RP1L1: variants seen among roughly 807,000 people sequenced by gnomAD.
RP1L1 encodes RP1 like 1.
RP1L1 carries 27 observed loss-of-function variants against 15.7 expected under a neutral mutation model. The ratio of observed to expected loss-of-function variants is 1.72; its 90% CI spans 1.27 to 2.38. The LOEUF (loss-of-function observed/expected upper bound fraction) is 2.38, where lower values mean the gene tolerates loss of function less well. RP1L1 is among the 30% of genes most tolerant of loss of function. The pLI is 0.00. For synonymous variants in RP1L1, 1,813 were observed against 1,276.7 expected (o/e 1.42, Z -8.96); for missense variants, 4,798 against 3,075.9 (o/e 1.56, Z -13.24).
chr8:10,623,772 A>G (rs1388737268), intron 1 of RP1L1, among the ~76,000 whole-genome samples: 2 of 151,994 alleles, frequency 1.3e-5, no homozygotes, highest in African/African-American at 4.8e-5. Context: ...CAGCATCACT[A>G]TGTCCCCAGC....
At position 10,623,016 on chromosome 8, in the gene RP1L1, G is replaced by T. The variant is rs142487521; in HGVS notation, c.186C>A (p.Ser62Arg). ...GCTGGGAGAGCTCGTCCATGAGGGC[G>T]CTGAAGGTCTTAAAGGCGCGCTGGT... ...AVHQRAFKTF[S>R]ALMDELSQRV... Residue 62 changes from serine to arginine, a missense_variant, in exon 2 of 4, where the codon AGC (serine) becomes AGA (arginine). Physicochemically the swap from Ser to Arg is moderately radical, Grantham distance 110 (BLOSUM62 -1). Transcript: ENST00000382483. 1 of 1,614,116 alleles carries T rather than the reference G, an allele frequency of 6.2e-7. No homozygotes were observed. The highest frequency in any genetic ancestry group is 1.1e-5 in the South Asian group (1 of 91,080).
chr8:10,612,404 TG>T lies in RP1L1; in HGVS notation c.1693del (p.Gln565SerfsTer15). 1 of 1,612,822 alleles carries T rather than the reference TG, an allele frequency of 6.2e-7. No individual in the cohort carries two copies. Among genetic ancestry groups the T allele is most frequent in the Non-Finnish European group, 8.5e-7 (1 of 1,180,022 alleles). The part of the protein sequence containing the change: ...CPGKARAETS[Q>X]QEASEGGDPA... Reference sequence around the variant, plus strand: ...GTCGCCTCCCTCGCTGGCCTCCTGCTGAGAGGTCTCGGCCCTTGCCTTGCCT... The same window carrying T: ...GTCGCCTCCCTCGCTGGCCTCCTGCTAGAGGTCTCGGCCCTTGCCTTGCCT... On this transcript the variant is annotated frameshift_variant, in exon 4 of 4. Coordinates refer to ENST00000382483, the MANE Select transcript of RP1L1 (RefSeq NM_178857.6). LOFTEE classifies it low-confidence loss of function (END_TRUNC).
At position 10,612,046 on chromosome 8, in the gene RP1L1, C is replaced by A; in HGVS notation, c.2052G>T (p.Lys684Asn). The A allele has an allele frequency of 1.2e-6, 2 of 1,613,888 alleles. No individual in the cohort carries two copies. Among genetic ancestry groups the A allele is most frequent in the African/African-American group, 2.7e-5 (2 of 75,072 alleles). ...THSPLDSSVTKQVPRPPERRR... is the reference protein window; with the variant it reads ...THSPLDSSVTNQVPRPPERRR... ...GCCGCTCAGGAGGCCTCGGCACTTG[C>A]TTGGTTACAGAGGAGTCCAGTGGGC... Residue 684 changes from lysine to asparagine, a missense_variant, in exon 4 of 4, where the codon AAG becomes AAT. Transcript: ENST00000382483.
At position 10,622,598 on chromosome 8, in the gene RP1L1, TC is replaced by T. The variant is rs387907367; in HGVS notation, c.603del (p.Lys203ArgfsTer28). On this transcript the variant is annotated frameshift_variant, in exon 2 of 4. Transcript: ENST00000382483. LOFTEE classifies it high-confidence loss of function. ...FPVKQLYTTSGKKVDSLQALL... is the reference protein window; with the variant it reads ...FPVKQLYTTSXKKVDSLQALL... ...GTCAGACCCCAACAGCCTACCTTTTTCCCGCTGGTCGTGTACAACTGCTTCA... is the reference window on the plus strand; with the variant it reads ...GTCAGACCCCAACAGCCTACCTTTTTCCGCTGGTCGTGTACAACTGCTTCA... The T allele has an allele frequency of 1.2e-5, 20 of 1,614,080 alleles. No homozygotes were observed. The South Asian group carries it at 1.8e-4, about 14-fold the overall frequency.
rs959063625 is a variant in RP1L1, at chr8:10,615,411, C to T, written c.751+1035G>A. On this transcript the variant is annotated intron_variant, in intron 3 of 3. Coordinates refer to ENST00000382483, the MANE Select transcript of RP1L1 (RefSeq NM_178857.6). Reference sequence around the variant, plus strand: ...TATGGATGGATGGATAATCTGTGGTCATGGTTAGTTTTAGTCCCTTTGACC... The same window carrying T: ...TATGGATGGATGGATAATCTGTGGTTATGGTTAGTTTTAGTCCCTTTGACC... Among the ~76,000 whole-genome samples the T allele has an allele frequency of 1.2e-4, 18 of 152,216 alleles. No homozygotes were observed. In the South Asian group the frequency reaches 3.7e-3, roughly 32 times the overall value.
chr8:10,611,474 C>T lies in RP1L1; in HGVS notation c.2624G>A (p.Ser875Asn), dbSNP rs1797853020. Residue 875 changes from serine to asparagine, a missense_variant, in exon 4 of 4, where the codon AGC (serine) becomes AAC (asparagine). By Grantham distance (46) the Ser-to-Asn change is conservative. Coordinates refer to ENST00000382483, the MANE Select transcript of RP1L1 (RefSeq NM_178857.6). ...CCCCCGGGCAGTGCTTTGGTGGCTG[C>T]TGCCGGTGCTCCCACAGCTGGAAGA... The part of the protein sequence containing the change: ...RRSSSCGSTG[S>N]SHQSTARGPG... The T allele has an allele frequency of 1.3e-6, 2 of 1,569,458 alleles. No homozygotes were observed. The highest frequency in any genetic ancestry group is 1.9e-5 in the Admixed American group (1 of 52,998).
At chr8:10,653,848 C>A (rs1467530912) in intron 1 of RP1L1, among the ~76,000 whole-genome samples, 1 of 152,170 alleles carries the variant, frequency 6.6e-6, no homozygotes, top group Non-Finnish European at 1.5e-5. Context: ...AAGGTGTGTT[C>A]TCACTGTCTG....
rs750375028 is a variant in RP1L1 at position 10,610,031 on chromosome 8, A to T, written c.4067T>A (p.Leu1356Ter). The T allele has an allele frequency of 1.5e-6, 2 of 1,366,422 alleles. No homozygotes were observed. Among genetic ancestry groups the T allele is most frequent in the Non-Finnish European group, 1.9e-6 (2 of 1,047,720 alleles). 84.6% of individuals were successfully genotyped at this position (1,366,422 alleles called of 1,614,324 possible). ...TCCTCCTGTTTCTTCAATTTCCTCT[A>T]ACTGCGCCTCTTCTTCTTGCTGTCC... ...GEGQQEEEAQLEEIEETGGEG... is the reference protein window; with the variant it reads ...GEGQQEEEAQ Residue 1356 changes from leucine to a stop codon, truncating the protein, a stop_gained, in exon 4 of 4, where the codon TTA becomes TAA. Transcript: ENST00000382483. LOFTEE classifies it low-confidence loss of function (END_TRUNC).
In RP1L1 at chr8:10,610,426, C is replaced by G; in HGVS notation, c.3672G>C (p.Val1224=). ...SVPCAMDGTL[V]TQGTELPLKT... is the part of the protein sequence containing the mutation. ...TCAGGGGCAGCTCTGTCCCCTGTGT[C>G]ACCAGGGTGCCGTCCATGGCACAGG... Residue 1224 remains valine (V), a synonymous_variant, in exon 4 of 4, where the codon GTG becomes GTC. Transcript: ENST00000382483. The G allele has an allele frequency of 6.2e-7, 1 of 1,613,900 alleles. No homozygotes were observed. The highest frequency in any genetic ancestry group is 8.5e-7 in the Non-Finnish European group (1 of 1,180,034).
At chr8:10,651,371 T>G (rs968463106) in intron 1 of RP1L1, among the ~76,000 whole-genome samples, 1 of 152,228 alleles carries the variant, frequency 6.6e-6, no homozygotes, top group Non-Finnish European at 1.5e-5. Context: ...TCTGGGGCCT[T>G]GGTCAAGGAC....
chr8:10,610,976 C>A lies in RP1L1; in HGVS notation c.3122G>T (p.Gly1041Val), dbSNP rs570355453. Residue 1041 changes from glycine (G) to valine (V), a missense_variant, in exon 4 of 4, where the codon GGT (glycine) becomes GTT (valine). By Grantham distance (109) the Gly-to-Val change is moderately radical (BLOSUM62 -3). Transcript: ENST00000382483. ...SSDTGPQSGEGVPQGAAPEGV... is the reference protein window; with the variant it reads ...SSDTGPQSGEVVPQGAAPEGV... ...CTCTGGAGCTGCCCCTTGGGGGACA[C>A]CCTCTCCTGATTGGGGACCAGTGTC... 1.1e-5 allele frequency: 18 copies of A among 1,612,346 alleles called. No homozygotes were observed. The highest frequency in any genetic ancestry group is 1.1e-4 in the South Asian group (10 of 91,056).
chr8:10,623,359 T>A, intron 1 of RP1L1, 139 bp from the exon 2 acceptor site: 1 of 692,526 alleles, frequency 1.4e-6, no homozygotes, highest in Non-Finnish European at 2.4e-6. Context: ...GTGAATCTAT[T>A]TGGATGGAAC....
At chr8:10,630,942 G>C (rs570271097) in intron 1 of RP1L1, among the ~76,000 whole-genome samples, 1 of 152,200 alleles carries the variant, frequency 6.6e-6, no homozygotes, top group Non-Finnish European at 1.5e-5. Flanking sequence ...GCTGGGAGGT[G>C]TGCACCAGCA....
intron 1 of RP1L1, among the ~76,000 whole-genome samples, chr8:10,626,388 C>T (rs946803675): frequency 1.3e-5 from 2 of 152,158 alleles, no homozygotes; most frequent in South Asian, 2.1e-4. Flanking sequence ...CGAAAGAAGC[C>T]GAGCATGATG....
At chr8:10,622,538 T>G in intron 2 of RP1L1, 55 bp downstream of exon 2, 1 of 1,612,112 alleles carries the variant, frequency 6.2e-7, no homozygotes, top group Non-Finnish European at 8.5e-7. Flanking sequence ...TGTGAGTATT[T>G]TGACCTCAGG....
intron 1 of RP1L1, among the ~76,000 whole-genome samples, chr8:10,651,956 T>A (rs188832268): frequency 3.9e-5 from 6 of 152,306 alleles, no homozygotes; most frequent in African/African-American, 1.2e-4. Context: ...ATACTGTATC[T>A]GTACTGTTTC....
intron 1 of RP1L1, among the ~76,000 whole-genome samples, chr8:10,651,368 C>A (rs1425909818): frequency 6.6e-6 from 1 of 152,144 alleles, no homozygotes. Context: ...GAATCTGGGG[C>A]CTTGGTCAAG....
chr8:10,628,124 A>G (rs1798186269), intron 1 of RP1L1, among the ~76,000 whole-genome samples: 1 of 152,218 alleles, frequency 6.6e-6, no homozygotes, highest in South Asian at 2.1e-4. Flanking sequence ...AGGCTCTGCC[A>G]GTAACAAGCT....
intron 1 of RP1L1, among the ~76,000 whole-genome samples, chr8:10,632,639 C>G (rs186932508): frequency 6.6e-6 from 1 of 152,224 alleles, no homozygotes; most frequent in Non-Finnish European, 1.5e-5. Context: ...AGGATGAGGC[C>G]GCTGACTTTG....
Sources: gnomAD v4.1 joint callset for allele counts (sites outside exome capture counted in the v4.1 genomes callset) on GRCh38, gnomAD v4.1.1 for gene constraint, MANE v1.5 for transcripts, NCBI Gene and HGNC (gene_info 2026-07-23, HGNC 2026-07-21) for gene names.